The following EPHA6 variants were observed in gnomAD, a reference collection of about 807,000 sequenced individuals.
The protein encoded by EPHA6 is ephrin type-A receptor 6.
A neutral mutation model predicts 112.0 loss-of-function variants in EPHA6; 50 were observed. That is an observed-to-expected ratio of 0.45 (90% CI 0.36 to 0.56). The LOEUF is 0.56. EPHA6 is among the 20% of genes least tolerant of loss of function. The probability of loss-of-function intolerance (pLI) is 0.00; values close to 1 mark genes in which losing one functional copy is unlikely to be tolerated. For missense variants in EPHA6, 1,280 were observed against 1,417.4 expected (o/e 0.90, Z 1.56); for synonymous variants, 529 against 490.7 (o/e 1.08, Z -1.03).
At position 97,757,850 on chromosome 3, in the gene EPHA6, C is replaced by T. The variant is rs976239874; in HGVS notation, c.*9149C>T. Among the ~76,000 whole-genome samples the T allele has an allele frequency of 1.3e-5, 2 of 151,618 alleles. No individual in the cohort carries two copies. Among genetic ancestry groups the T allele is most frequent in the Admixed American group, 1.3e-4 (2 of 15,194 alleles). ...AGAGCCATTGTATTTTTTATATTTC[C>T]ATTCAGTCTCATTATGCTTGAAAGT... On this transcript the variant is annotated 3_prime_UTR_variant, in exon 18 of 18. Transcript: ENST00000389672.
chr3:97,127,081 T>C (rs1444509690), intron 3 of EPHA6, among the ~76,000 whole-genome samples: 1 of 151,962 alleles, frequency 6.6e-6, no homozygotes, highest in South Asian at 2.1e-4. Context: ...ACATACAAAT[T>C]CATTTAATAA....
chr3:97,200,318 A>T (rs1442271039), intron 3 of EPHA6, among the ~76,000 whole-genome samples: 1 of 151,984 alleles, frequency 6.6e-6, no homozygotes, highest in African/African-American at 2.4e-5. Context: ...CGGGAATCAA[A>T]CTCAAGTCTG....
intron 16 of EPHA6, among the ~76,000 whole-genome samples, chr3:97,736,468 AGAGTGTGTGTGTGTGTGTGTGT>A (rs2035263554): frequency 1.8e-5 from 2 of 109,542 alleles, no homozygotes; most frequent in African/African-American, 7.4e-5. Flanking sequence ...AGAGAGAGAG[AGAGTGTGTGTGTGTGTGTGTGT>A]GTGTGTGTGT....
At chr3:97,125,975 GC>G (rs1332474498) in intron 3 of EPHA6, among the ~76,000 whole-genome samples, 2 of 152,312 alleles carry the variant, frequency 1.3e-5, no homozygotes, top group African/African-American at 2.4e-5. Flanking sequence ...ATCCCACTGT[GC>G]TTTGGTTTAG....
chr3:96,989,246 G>A (rs2043131472), intron 3 of EPHA6, among the ~76,000 whole-genome samples: 1 of 152,066 alleles, frequency 6.6e-6, no homozygotes, highest in Non-Finnish European at 1.5e-5. Flanking sequence ...TAAAACACTT[G>A]GGTTCTTGAC....
At chr3:96,873,665 C>G (rs1308862441) in intron 2 of EPHA6, among the ~76,000 whole-genome samples, 1 of 152,030 alleles carries the variant, frequency 6.6e-6, no homozygotes, top group Non-Finnish European at 1.5e-5. Flanking sequence ...CTTTACATGA[C>G]ATTGTTGCTA....
At chr3:97,545,084 A>C (rs1220521150) in intron 11 of EPHA6, among the ~76,000 whole-genome samples, 1 of 151,874 alleles carries the variant, frequency 6.6e-6, no homozygotes, top group Non-Finnish European at 1.5e-5. Context: ...CTCTGATCTT[A>C]GTTATTTCTT....
At chr3:96,977,907 C>G (rs2042597072) in intron 2 of EPHA6, among the ~76,000 whole-genome samples, 1 of 152,020 alleles carries the variant, frequency 6.6e-6, no homozygotes, top group South Asian at 2.1e-4. Flanking sequence ...GCCTGTAATC[C>G]CAGAAGTTTG....
rs142268290 is a variant in EPHA6, at chr3:97,700,955, A to G, written c.2785-19306A>G. On this transcript the variant is annotated intron_variant, in intron 14 of 17. Transcript: ENST00000389672. ...TTAGGAAGGAATAGAATATTAGGCA[A>G]CTCCACACAGGCCAAAGTCCAGGAG... Among the ~76,000 whole-genome samples, 18 of 152,176 alleles carry G rather than the reference A, an allele frequency of 1.2e-4. 1 individual carries two copies. The East Asian group carries it at 3.3e-3, about 28-fold the overall frequency.
At chr3:97,153,708 T>A (rs1228524491) in intron 3 of EPHA6, among the ~76,000 whole-genome samples, 3 of 152,128 alleles carry the variant, frequency 2.0e-5, no homozygotes, top group Admixed American at 6.6e-5. Flanking sequence ...ATGTAATTGA[T>A]TGTGCCATGT....
At chr3:96,918,707 CAT>C (rs2039607917) in intron 2 of EPHA6, among the ~76,000 whole-genome samples, 1 of 151,840 alleles carries the variant, frequency 6.6e-6, no homozygotes, top group Non-Finnish European at 1.5e-5. Flanking sequence ...ATGTACAAAA[CAT>C]ATAGGAAGGT....
At position 97,345,710 on chromosome 3, in the gene EPHA6, G is replaced by GTA. The variant is rs912111170; in HGVS notation, c.1607-59430_1607-59429dup. Among the ~76,000 whole-genome samples the GTA allele has an allele frequency of 2.4e-4, 37 of 152,012 alleles. No homozygotes were observed. In the East Asian group the frequency reaches 3.7e-3, roughly 15 times the overall value. ...ACTATATTCTGAATTCCAGAAACATGTATATATATATGTAAACATATGGTA... is the reference window on the plus strand; with the variant it reads ...ACTATATTCTGAATTCCAGAAACATGTATATATATATATGTAAACATATGGTA... On this transcript the variant is annotated intron_variant, in intron 5 of 17. Coordinates refer to ENST00000389672, the MANE Select transcript of EPHA6 (RefSeq NM_001080448.3).
At chr3:97,161,309 G>T (rs964763705) in intron 3 of EPHA6, among the ~76,000 whole-genome samples, 3 of 152,076 alleles carry the variant, frequency 2.0e-5, no homozygotes, top group African/African-American at 7.2e-5. Context: ...AATCCAAAGG[G>T]CCTGTACTAC....
At position 96,815,022 on chromosome 3, in the gene EPHA6, C is replaced by T. The variant is rs901900822; in HGVS notation, c.385+14C>T. 3.0e-5 allele frequency: 45 copies of T among 1,491,822 alleles called. No individual in the cohort carries two copies. The Middle Eastern group carries it at 5.3e-4, about 18-fold the overall frequency. 92.4% of individuals were successfully genotyped at this position (1,491,822 alleles called of 1,614,324 possible). ...CCAACAACCAAGGTAAGGGACGGGG[C>T]GGAGGAGCGGGAGTGGGTGGGAGGA... On this transcript the variant is annotated intron_variant, in intron 1 of 17. Transcript: ENST00000389672.
At chr3:97,740,804 A>G (rs1179661280) in intron 16 of EPHA6, among the ~76,000 whole-genome samples, 2 of 152,114 alleles carry the variant, frequency 1.3e-5, no homozygotes, top group Non-Finnish European at 2.9e-5. Flanking sequence ...TTTTGAGAAG[A>G]TTTTGTTCAA....
Position 96,881,308 on chromosome 3 carries a change from G to C in EPHA6, c.450+14419G>C, listed in dbSNP as rs988191418. Among the ~76,000 whole-genome samples, 7 of 152,246 alleles carry C rather than the reference G, an allele frequency of 4.6e-5. No individual in the cohort carries two copies. The South Asian group carries it at 1.2e-3, about 27-fold the overall frequency. ...TAGGAAGAAAAATAGGTTTATTGTA[G>C]TCAAAGTTCCACTTGGCTGGGGAAG... On this transcript the variant is annotated intron_variant, in intron 2 of 17. Coordinates refer to ENST00000389672, the MANE Select transcript of EPHA6 (RefSeq NM_001080448.3).
intron 10 of EPHA6, among the ~76,000 whole-genome samples, chr3:97,507,015 TG>T (rs770028401): frequency 1.3e-5 from 2 of 152,344 alleles, no homozygotes; most frequent in Admixed American, 1.3e-4. Flanking sequence ...ACATTGATTT[TG>T]TATCCTGGGA....
In EPHA6 at chr3:96,833,051, C is replaced by T. The variant is rs935111075; in HGVS notation, c.385+18043C>T. On this transcript the variant is annotated intron_variant, in intron 1 of 17. Coordinates refer to ENST00000389672, the MANE Select transcript of EPHA6 (RefSeq NM_001080448.3). ...AGATTATTAGTTACAGTATCTTCTG[C>T]GTTGAATTATGTCCTCTCAAAATTC... 4.6e-5 allele frequency among the ~76,000 whole-genome samples: 7 copies of T among 151,550 alleles called. No homozygotes were observed. In the East Asian group the frequency reaches 1.4e-3, roughly 29 times the overall value.
chr3:97,504,603 A>G (rs2092199709), intron 10 of EPHA6, among the ~76,000 whole-genome samples: 1 of 152,072 alleles, frequency 6.6e-6, no homozygotes, highest in Non-Finnish European at 1.5e-5. Flanking sequence ...GCCAAGCCAC[A>G]CTGTGCAAGT....
Sources: gnomAD v4.1 joint callset for allele counts (sites outside exome capture counted in the v4.1 genomes callset) on GRCh38, gnomAD v4.1.1 for gene constraint, MANE v1.5 for transcripts, NCBI Gene and HGNC (gene_info 2026-07-23, HGNC 2026-07-21) for gene names.